Variants in FNDC3B observed in about 807,000 individuals in gnomAD.
FNDC3B encodes the protein fibronectin type III domain containing 3B, also known as fibronectin type III domain-containing protein 3B.
In FNDC3B, 12 loss-of-function variants were observed where a neutral mutation model predicts 151.5. That is an observed-to-expected ratio of 0.08 (90% CI 0.05 to 0.13). The LOEUF is 0.13. FNDC3B is among the 10% of genes least tolerant of loss of function. FNDC3B has a pLI of 1.00. For missense variants in FNDC3B, 1,214 were observed against 1,505.3 expected (o/e 0.81, Z 3.20); for synonymous variants, 528 against 549.0 (o/e 0.96, Z 0.54).
intron 5 of FNDC3B, among the ~76,000 whole-genome samples, chr3:172,248,268 T>C (rs1727884980): frequency 6.6e-6 from 1 of 152,210 alleles, no homozygotes; most frequent in Admixed American, 6.5e-5. Context: ...TATGTTGTGA[T>C]GCTGGCAGAA....
At chr3:172,212,649 C>T (rs1284670567) in intron 3 of FNDC3B, among the ~76,000 whole-genome samples, 1 of 152,240 alleles carries the variant, frequency 6.6e-6, no homozygotes, top group Non-Finnish European at 1.5e-5. Context: ...AGTACCACCA[C>T]TACCACCCAG....
chr3:172,181,405 A>AAAAC (rs1553769924), intron 3 of FNDC3B, among the ~76,000 whole-genome samples: 2 of 146,092 alleles, frequency 1.4e-5, no homozygotes, highest in African/African-American at 5.0e-5. Context: ...CAAAAAAAAA[A>AAAAC]AAAAAAAAAC....
At chr3:172,317,137 T>TG in intron 11 of FNDC3B, 1 of 444,840 alleles carries the variant, frequency 2.2e-6, no homozygotes, top group Non-Finnish European at 4.5e-6. Flanking sequence ...GAAAAAAAAA[T>TG]GACCACCTCT....
intron 3 of FNDC3B, among the ~76,000 whole-genome samples, chr3:172,178,595 G>T (rs894776908): frequency 6.6e-6 from 1 of 152,184 alleles, no homozygotes; most frequent in Admixed American, 6.5e-5. Flanking sequence ...TATGGGGGTA[G>T]CAGGAAAAGA....
At chr3:172,190,301 C>A (rs1057252386) in intron 3 of FNDC3B, among the ~76,000 whole-genome samples, 1 of 152,114 alleles carries the variant, frequency 6.6e-6, no homozygotes, top group Admixed American at 6.6e-5. Flanking sequence ...AGCAGCGTGT[C>A]CTGTCACTGA....
At chr3:172,295,604 G>A (rs1188153526) in intron 8 of FNDC3B, 90 bp downstream of exon 8, 1 of 1,285,628 alleles carries the variant, frequency 7.8e-7, no homozygotes, top group Non-Finnish European at 1.1e-6. Flanking sequence ...AACCTTATAG[G>A]CTTGGCAAAT....
chr3:172,173,061 T>A (rs1293899144), intron 3 of FNDC3B, among the ~76,000 whole-genome samples: 1 of 152,190 alleles, frequency 6.6e-6, no homozygotes, highest in East Asian at 1.9e-4. Context: ...TATAGAAAAC[T>A]GTTTTTCTCA....
chr3:172,115,897 G>T (rs1289415955), intron 2 of FNDC3B, among the ~76,000 whole-genome samples: 1 of 152,154 alleles, frequency 6.6e-6, no homozygotes, highest in African/African-American at 2.4e-5. Context: ...ATATGCAAAA[G>T]AACTACCACA....
chr3:172,126,760 C>A (rs1405422525), intron 2 of FNDC3B, among the ~76,000 whole-genome samples: 4 of 152,188 alleles, frequency 2.6e-5, no homozygotes, highest in African/African-American at 9.7e-5. Context: ...GGAGAGGGTC[C>A]TTTCCTGGAC....
chr3:172,388,442 A>G (rs1022598804), intron 25 of FNDC3B, among the ~76,000 whole-genome samples: 1 of 152,360 alleles, frequency 6.6e-6, no homozygotes, highest in African/African-American at 2.4e-5. Flanking sequence ...ACTTATTACA[A>G]TATTATGATT....
intron 3 of FNDC3B, among the ~76,000 whole-genome samples, chr3:172,181,316 C>A (rs771087897): frequency 5.0e-4 from 72 of 143,610 alleles, no homozygotes; most frequent in Non-Finnish European, 8.8e-4. Flanking sequence ...ATCACTGGAA[C>A]CTGGGAAGTC....
At chr3:172,056,526 C>G (rs534170244) in intron 1 of FNDC3B, among the ~76,000 whole-genome samples, 3 of 152,214 alleles carry the variant, frequency 2.0e-5, no homozygotes, top group Non-Finnish European at 4.4e-5. Context: ...CTGGAAACAT[C>G]TGAGTTTGGA....
At chr3:172,358,082 G>C (rs1734186152) in intron 22 of FNDC3B, among the ~76,000 whole-genome samples, 1 of 152,198 alleles carries the variant, frequency 6.6e-6, no homozygotes, top group Non-Finnish European at 1.5e-5. Context: ...TGGTGTGCCA[G>C]ACACACAGGC....
chr3:172,363,676 A>G (rs1210314799), intron 23 of FNDC3B, among the ~76,000 whole-genome samples: 2 of 152,204 alleles, frequency 1.3e-5, no homozygotes, highest in African/African-American at 2.4e-5. Flanking sequence ...TTTATGCATG[A>G]TACTATTCTG....
chr3:172,295,598 T>G (rs1040614544), intron 8 of FNDC3B, 84 bp downstream of exon 8: 2 of 1,380,766 alleles, frequency 1.4e-6, no homozygotes, highest in East Asian at 2.3e-5. Flanking sequence ...AAGGAAAACC[T>G]TATAGGCTTG....
intron 11 of FNDC3B, among the ~76,000 whole-genome samples, chr3:172,313,992 A>G (rs538096209): frequency 2.4e-4 from 36 of 152,214 alleles, no homozygotes; most frequent in Non-Finnish European, 4.9e-4. Flanking sequence ...CCTTAGCTTC[A>G]AGAAGGAAAC....
chr3:172,209,524 T>G (rs541672844), intron 3 of FNDC3B, among the ~76,000 whole-genome samples: 97 of 152,006 alleles, frequency 6.4e-4, no homozygotes, highest in African/African-American at 2.3e-3. Flanking sequence ...AGTCGCTGAG[T>G]CTGGGGGTTT....
chr3:172,388,459 T>G (rs1735839466), intron 25 of FNDC3B, among the ~76,000 whole-genome samples: 1 of 152,206 alleles, frequency 6.6e-6, no homozygotes, highest in South Asian at 2.1e-4. Context: ...GATTGGTTAC[T>G]TCAATAAAAA....
At chr3:172,152,850 C>T (rs1051168571) in intron 3 of FNDC3B, among the ~76,000 whole-genome samples, 1 of 152,208 alleles carries the variant, frequency 6.6e-6, no homozygotes, top group African/African-American at 2.4e-5. Context: ...TTTGGACTCA[C>T]TGGGCCAGCT....
Sources: gnomAD v4.1 joint callset for allele counts (sites outside exome capture counted in the v4.1 genomes callset) on GRCh38, gnomAD v4.1.1 for gene constraint, MANE v1.5 for transcripts, NCBI Gene and HGNC (gene_info 2026-07-23, HGNC 2026-07-21) for gene names.